LRRC7: variants seen among roughly 807,000 people sequenced by gnomAD.
LRRC7 encodes leucine-rich repeat-containing protein 7.
Under a neutral mutation model 175.7 loss-of-function variants are expected in LRRC7, and 23 were observed. The observed-to-expected ratio is 0.13, with a 90% CI of 0.09 to 0.19. The LOEUF (loss-of-function observed/expected upper bound fraction) is 0.19. LRRC7 is among the 10% of genes least tolerant of loss of function. The pLI is 1.00. For synonymous variants in LRRC7, 685 were observed against 680.9 expected (o/e 1.01, Z -0.09); for missense variants, 1,354 against 1,904.7 (o/e 0.71, Z 5.38).
chr1:69,918,489 T>C (rs1414964183), intron 7 of LRRC7, among the ~76,000 whole-genome samples: 1 of 152,176 alleles, frequency 6.6e-6, no homozygotes, highest in Non-Finnish European at 1.5e-5. Context: ...AACATTTTTT[T>C]TGGACAATTT....
intron 3 of LRRC7, among the ~76,000 whole-genome samples, chr1:69,778,709 CA>C (rs1673103525): frequency 6.6e-6 from 1 of 151,942 alleles, no homozygotes; most frequent in Non-Finnish European, 1.5e-5. Flanking sequence ...TATCTGATTC[CA>C]AAGTTTATAA....
At chr1:69,774,989 A>G (rs778049415) in intron 3 of LRRC7, among the ~76,000 whole-genome samples, 26 of 152,218 alleles carry the variant, frequency 1.7e-4, no homozygotes, top group Non-Finnish European at 3.7e-4. Flanking sequence ...GATGTGAAGA[A>G]GAGGAAAAAG....
intron 1 of LRRC7, among the ~76,000 whole-genome samples, chr1:69,603,281 G>A (rs1242255725): frequency 6.6e-6 from 1 of 152,044 alleles, no homozygotes; most frequent in Non-Finnish European, 1.5e-5. Flanking sequence ...TATTTTTTGA[G>A]GCAATTATTC....
At chr1:69,633,461 C>T (rs1383834382) in intron 1 of LRRC7, among the ~76,000 whole-genome samples, 2 of 151,902 alleles carry the variant, frequency 1.3e-5, no homozygotes, top group African/African-American at 4.8e-5. Context: ...CAAAATCTCC[C>T]TCTGTCACCC....
In LRRC7 at chr1:69,965,854, C is replaced by T. The variant is rs77422038; in HGVS notation, c.712-14525C>T. On this transcript the variant is annotated intron_variant, in intron 8 of 26. Coordinates refer to ENST00000651989, the MANE Select transcript of LRRC7 (RefSeq NM_001370785.2). ...GTGAACAATATTAGTCATCTAATTT[C>T]GTGTATCAGAAAGAATTTCCACCAA... is the stretch of plus-strand genomic sequence containing the variant. 1.2e-4 allele frequency among the ~76,000 whole-genome samples: 18 copies of T among 152,018 alleles called. No homozygotes were observed. In the East Asian group the frequency reaches 2.9e-3, roughly 24 times the overall value.
chr1:69,930,490 T>TA (rs36098469), intron 7 of LRRC7, among the ~76,000 whole-genome samples: 21 of 151,764 alleles, frequency 1.4e-4, no homozygotes, highest in East Asian at 5.8e-4. Flanking sequence ...AGTGGAGAGA[T>TA]AAAAAAAAAT....
chr1:69,691,391 G>C (rs1027616267), intron 2 of LRRC7, among the ~76,000 whole-genome samples: 1 of 152,104 alleles, frequency 6.6e-6, no homozygotes, highest in East Asian at 1.9e-4. Flanking sequence ...AATTGCTTAA[G>C]GGCAAACAGA....
intron 18 of LRRC7, among the ~76,000 whole-genome samples, chr1:70,030,371 G>A (rs1157900199): frequency 6.6e-6 from 1 of 151,900 alleles, no homozygotes; most frequent in Non-Finnish European, 1.5e-5. Flanking sequence ...AATTTCACTG[G>A]TAATTTCAAT....
Position 69,719,133 on chromosome 1 carries a change from T to A in LRRC7, c.100+40655T>A, listed in dbSNP as rs190964055. On this transcript the variant is annotated intron_variant, in intron 2 of 26. Coordinates refer to ENST00000651989, the MANE Select transcript of LRRC7 (RefSeq NM_001370785.2). ...TGAATAGCAAATTCAATTTAAAGTA[T>A]GTTAGTTAAGGAAGTGTTATTCTTG... Among the ~76,000 whole-genome samples, 1,019 of 151,894 alleles carry A rather than the reference T, an allele frequency of 6.7e-3. 12 individuals carry two copies. Among genetic ancestry groups the A allele is most frequent in the Non-Finnish European group, 6.3e-3 (426 of 67,710 alleles).
chr1:69,728,156 G>A (rs1667181597), intron 2 of LRRC7, among the ~76,000 whole-genome samples: 2 of 151,992 alleles, frequency 1.3e-5, no homozygotes, highest in Non-Finnish European at 2.9e-5. Flanking sequence ...TATTTAAGAT[G>A]TATTAGTGAC....
At chr1:69,718,138 G>GAAATAAAGAAAGAA (rs772161376) in intron 2 of LRRC7, among the ~76,000 whole-genome samples, 1 of 40,972 alleles carries the variant, frequency 2.4e-5, no homozygotes, top group Non-Finnish European at 4.2e-5. Flanking sequence ...AAGAAAGAAA[G>GAAATAAAGAAAGAA]AGAGAGAAAG....
At position 70,036,207 on chromosome 1, in the gene LRRC7, T is replaced by G. The variant is rs1311228619; in HGVS notation, c.2082T>G (p.Leu694=). The G allele has an allele frequency of 1.2e-6, 2 of 1,613,372 alleles. No individual in the cohort carries two copies. The highest frequency in any genetic ancestry group is 8.5e-7 in the Non-Finnish European group (1 of 1,179,704). Residue 694 remains leucine, a synonymous_variant, in exon 19 of 27, where the codon CTT becomes CTG. Coordinates refer to ENST00000651989, the MANE Select transcript of LRRC7 (RefSeq NM_001370785.2). ...AGACCCCTCTGTACCCACCCAAACTTGTTCTGCTAGGGAAGGACAAAAAAG... is the reference window on the plus strand; with the variant it reads ...AGACCCCTCTGTACCCACCCAAACTGGTTCTGCTAGGGAAGGACAAAAAAG... The part of the protein sequence containing the change: ...LAETPLYPPK[L]VLLGKDKKES...
chr1:70,094,033 C>T (rs151321239), intron 25 of LRRC7, among the ~76,000 whole-genome samples: 15 of 152,240 alleles, frequency 9.9e-5, no homozygotes, highest in African/African-American at 3.1e-4. Flanking sequence ...CTTGCTCCAT[C>T]TGAGGGAAGA....
intron 2 of LRRC7, among the ~76,000 whole-genome samples, chr1:69,700,742 TTG>T (rs1663237736): frequency 1.3e-5 from 2 of 152,276 alleles, no homozygotes; most frequent in East Asian, 3.9e-4. Context: ...TTATAGGAGT[TTG>T]TGTTTATTCT....
In LRRC7 at chr1:70,039,786, T is replaced by C. The variant is rs965374957; in HGVS notation, c.3962T>C (p.Leu1321Ser). 3 of 1,588,928 alleles carry C rather than the reference T, an allele frequency of 1.9e-6. No homozygotes were observed. The highest frequency in any genetic ancestry group is 2.6e-6 in the Non-Finnish European group (3 of 1,170,194). Reference sequence around the variant, plus strand: ...CTTAGACATATAGAAGCTAGACGGTTAGACAGGGTATGTCTGGTGTTTCTC... The same window carrying C: ...CTTAGACATATAGAAGCTAGACGGTCAGACAGGGTATGTCTGGTGTTTCTC... ...QLLRHIEARR[L>S]DRNAAYKHNT... Residue 1321 changes from leucine (L) to serine (S), a missense_variant, in exon 21 of 27, where the codon TTA (leucine) becomes TCA (serine). Physicochemically the swap from Leu to Ser is moderately radical, Grantham distance 145 (BLOSUM62 -2). Coordinates refer to ENST00000651989, the MANE Select transcript of LRRC7 (RefSeq NM_001370785.2).
rs1289933905 is a variant in LRRC7, at chr1:70,143,702, A to AAAAC, written c.*21819_*21822dup. ...TACTTGGGTGTACTCTAGCCAATTCAAAACAAATTGCTTACTTTAATAATA... is the reference window on the plus strand; with the variant it reads ...TACTTGGGTGTACTCTAGCCAATTCAAAACAAACAAATTGCTTACTTTAATAATA... On this transcript the variant is annotated 3_prime_UTR_variant, in exon 27 of 27. Transcript: ENST00000651989. The AAAAC allele has an allele frequency of 6.6e-6, 1 of 152,162 alleles. No homozygotes were observed. The highest frequency in any genetic ancestry group is 6.6e-5 in the Admixed American group (1 of 15,264). 9.4% of individuals were successfully genotyped at this position (152,162 alleles called of 1,614,324 possible). A position where few individuals can be genotyped will look rare whatever the true frequency, so the allele number is the denominator to read the frequency against.
At chr1:69,841,278 T>TGA (rs566267705) in intron 7 of LRRC7, among the ~76,000 whole-genome samples, 13 of 152,168 alleles carry the variant, frequency 8.5e-5, no homozygotes, top group African/African-American at 2.9e-4. Flanking sequence ...GCAAGTGATT[T>TGA]GAGAGAGAGA....
chr1:69,880,863 A>C (rs562300184), intron 7 of LRRC7, among the ~76,000 whole-genome samples: 311 of 152,316 alleles, frequency 2.0e-3, no homozygotes, highest in African/African-American at 7.1e-3. Flanking sequence ...AGTATTTTCC[A>C]GAAAAAAAAG....
In LRRC7 at chr1:69,781,733, AAGAGAG is replaced by A. The variant is rs755676231; in HGVS notation, c.304-10282_304-10277del. 8.4e-3 allele frequency among the ~76,000 whole-genome samples: 198 copies of A among 23,538 alleles called. 24 individuals are homozygous for A. Among genetic ancestry groups the A allele is most frequent in the East Asian group, 0.011 (6 of 522 alleles). 15.4% of individuals were successfully genotyped at this position (23,538 alleles called of 152,430 possible). ...AAAGAAAGAAAGAAAGAAAGAAAGA[AAGAGAG>A]AGAGAGAGAGAGAGAGAGAGAGAGA... On this transcript the variant is annotated intron_variant, in intron 3 of 26. Coordinates refer to ENST00000651989, the MANE Select transcript of LRRC7 (RefSeq NM_001370785.2).
Sources: gnomAD v4.1 joint callset for allele counts (sites outside exome capture counted in the v4.1 genomes callset) on GRCh38, gnomAD v4.1.1 for gene constraint, MANE v1.5 for transcripts, NCBI Gene and HGNC (gene_info 2026-07-23, HGNC 2026-07-21) for gene names.